SLC26A3: variants seen among roughly 807,000 people sequenced by gnomAD.
SLC26A3 encodes the protein chloride anion exchanger.
Under a neutral mutation model 85.6 loss-of-function variants are expected in SLC26A3, and 64 were observed. The ratio of observed to expected loss-of-function variants is 0.75; its 90% CI spans 0.61 to 0.92. The LOEUF (loss-of-function observed/expected upper bound fraction) is 0.92, where lower values mean the gene tolerates loss of function less well. Among genes scored for constraint, SLC26A3 ranks in the 40% least tolerant of loss-of-function variants. SLC26A3 has a pLI of 0.00. For synonymous variants in SLC26A3, 349 were observed against 336.0 expected, an observed-to-expected ratio of 1.04 and a Z score of -0.42; for missense variants, 922 against 927.3, an observed-to-expected ratio of 0.99 and a Z score of 0.07.
chr7:107,791,560 T>C (rs1047879192), intron 4 of SLC26A3, among the ~76,000 whole-genome samples: 11 of 151,884 alleles, frequency 7.2e-5, no homozygotes, highest in African/African-American at 2.7e-4. Context: ...TGCAGTGAGC[T>C]GAGATCGTGC....
In SLC26A3 at chr7:107,782,815, G is replaced by A. The variant is rs1794233254; in HGVS notation, c.1293C>T (p.Leu431=). 2 of 1,614,006 alleles carry A rather than the reference G, an allele frequency of 1.2e-6. No homozygotes were observed. The highest frequency in any genetic ancestry group is 1.7e-6 in the Non-Finnish European group (2 of 1,179,904). ...GTGTTACCTTTTGTAGAGGCGCCAGGAGAAATCCAATGGCTAGAACGACAA... is the reference window on the plus strand; with the variant it reads ...GTGTTACCTTTTGTAGAGGCGCCAGAAGAAATCCAATGGCTAGAACGACAA... The part of the protein sequence containing the change: ...VLIVVLAIGF[L]LAPLQKSVLA... Residue 431 remains leucine (L), a synonymous_variant, in exon 11 of 21, where the codon CTC becomes CTT. Coordinates refer to ENST00000340010, the MANE Select transcript of SLC26A3 (RefSeq NM_000111.3).
chr7:107,800,135 C>A (rs919425107), intron 1 of SLC26A3, among the ~76,000 whole-genome samples: 3 of 152,194 alleles, frequency 2.0e-5, no homozygotes, highest in African/African-American at 7.2e-5. Context: ...TTCCGTATCT[C>A]TGTACACATG....
At position 107,765,983 on chromosome 7, in the gene SLC26A3, T is replaced by G. The variant is rs973031667; in HGVS notation, c.2272-105A>C. The stretch of plus-strand genomic sequence containing the variant: ...TACCAGAGTTAACAGGTTTTTTTTT[T>G]GTCTTGAATTTTAATGATCAAGTAC... On this transcript the variant is annotated intron_variant, in intron 20 of 20. Coordinates refer to ENST00000340010, the MANE Select transcript of SLC26A3 (RefSeq NM_000111.3). 30 of 925,916 alleles carry G rather than the reference T, an allele frequency of 3.2e-5. No individual in the cohort carries two copies. In the Middle Eastern group the frequency reaches 6.7e-4, roughly 21 times the overall value. 57.4% of individuals were successfully genotyped at this position (925,916 alleles called of 1,614,324 possible). A position where few individuals can be genotyped will look rare whatever the true frequency, so the allele number is the denominator to read the frequency against.
intron 1 of SLC26A3, among the ~76,000 whole-genome samples, chr7:107,802,140 G>A (rs1794611733): frequency 6.7e-6 from 1 of 150,180 alleles, no homozygotes; most frequent in Admixed American, 6.6e-5. Context: ...CAAATTTCAT[G>A]ACACAGTTTT....
intron 17 of SLC26A3, among the ~76,000 whole-genome samples, chr7:107,772,394 T>C (rs1794042673): frequency 6.6e-6 from 1 of 152,198 alleles, no homozygotes; most frequent in African/African-American, 2.4e-5. Context: ...AGAACAACTC[T>C]GATTTAATTT....
chr7:107,783,418 CA>C, intron 8 of SLC26A3, 66 bp from the exon 9 acceptor site: 3 of 1,564,792 alleles, frequency 1.9e-6, no homozygotes, highest in Non-Finnish European at 2.6e-6. Context: ...AACCATTGGG[CA>C]AATCAATGAA....
chr7:107,794,671 G>A (rs1399049883), intron 1 of SLC26A3, 74 bp from the exon 2 acceptor site: 21 of 736,720 alleles, frequency 2.9e-5, no homozygotes, highest in South Asian at 2.0e-4. Context: ...AGTGAGCTCC[G>A]AACTGAATGT....
In SLC26A3 at chr7:107,789,671, C is replaced by T; in HGVS notation, c.588G>A (p.Leu196=). 1 of 1,613,654 alleles carries T rather than the reference C, an allele frequency of 6.2e-7. No individual in the cohort carries two copies. The highest frequency in any genetic ancestry group is 8.5e-7 in the Non-Finnish European group (1 of 1,179,856). The change falls in exon 6 of 21, where the codon CTG becomes CTA. Residue 196 remains leucine, a synonymous_variant. Coordinates refer to ENST00000340010, the MANE Select transcript of SLC26A3 (RefSeq NM_000111.3). ...SGIIQLAFGI[L]RIGFVVIYLS... is the part of the protein sequence containing the mutation. The stretch of plus-strand genomic sequence containing the variant: ...GGTATATCACTACAAATCCAATCCG[C>T]AGAATCCCAAAAGCCAACTGGAAAG...
At chr7:107,778,109 T>C in intron 13 of SLC26A3, 66 bp downstream of exon 13, 1 of 1,087,552 alleles carries the variant, frequency 9.2e-7, no homozygotes, top group Middle Eastern at 2.0e-4. Context: ...CCAGTGACAT[T>C]TTTTTTCCTC....
rs186382735 is a variant in SLC26A3 at position 107,768,893 on chromosome 7, C to T, written c.2063-985G>A. On this transcript the variant is annotated intron_variant, in intron 18 of 20. Transcript: ENST00000340010. ...CTTTCAGTGACAGAGGGAGAGGGAG[C>T]GTGGAGGGCATTGTGGCCACCAGGA... Among the ~76,000 whole-genome samples, 49 of 151,938 alleles carry T rather than the reference C, an allele frequency of 3.2e-4. 1 individual carries two copies. The East Asian group carries it at 9.3e-3, about 29-fold the overall frequency.
chr7:107,776,852 G>C (rs1794124437), intron 13 of SLC26A3, 146 bp from the exon 14 acceptor site: 1 of 735,028 alleles, frequency 1.4e-6, no homozygotes. Flanking sequence ...AGAGACTCTG[G>C]AAGGTGAACA....
intron 4 of SLC26A3, among the ~76,000 whole-genome samples, chr7:107,791,625 A>T (rs1054614261): frequency 9.4e-5 from 14 of 149,344 alleles, no homozygotes; most frequent in Admixed American, 1.3e-4. Context: ...AAAATAAATA[A>T]AAATAAATAA....
intron 6 of SLC26A3, among the ~76,000 whole-genome samples, chr7:107,787,793 T>C (rs1794323822): frequency 6.6e-6 from 1 of 152,218 alleles, no homozygotes; most frequent in Non-Finnish European, 1.5e-5. Context: ...TTTTGTTGGA[T>C]ACTTTTCACA....
chr7:107,769,820 T>G (rs964496605), intron 18 of SLC26A3, among the ~76,000 whole-genome samples: 4 of 152,140 alleles, frequency 2.6e-5, no homozygotes, highest in Admixed American at 1.3e-4. Flanking sequence ...GCCAATTTTA[T>G]ACTTTTCGAA....
chr7:107,795,120 T>C (rs562757048), intron 1 of SLC26A3, among the ~76,000 whole-genome samples: 7 of 152,226 alleles, frequency 4.6e-5, no homozygotes, highest in Non-Finnish European at 1.0e-4. Context: ...TTACAATTTA[T>C]AGTTAAGGAA....
chr7:107,781,807 T>C (rs965548165), intron 11 of SLC26A3, among the ~76,000 whole-genome samples: 1 of 152,156 alleles, frequency 6.6e-6, no homozygotes, highest in African/African-American at 2.4e-5. Flanking sequence ...AAGGCCTAGG[T>C]AACAGCCAAT....
At position 107,791,105 on chromosome 7, in the gene SLC26A3, G is replaced by T. The variant is rs367588993; in HGVS notation, c.513C>A (p.Asp171Glu). The T allele has an allele frequency of 1.2e-6, 2 of 1,614,122 alleles. No individual in the cohort carries two copies. The highest frequency in any genetic ancestry group is 2.7e-5 in the African/African-American group (2 of 75,010). The change falls in exon 5 of 21, where the codon GAC becomes GAA. Residue 171 changes from aspartate (D) to glutamate (E), a missense_variant. Coordinates refer to ENST00000340010, the MANE Select transcript of SLC26A3 (RefSeq NM_000111.3). ...CCGCCGCCGCCACCCTCACCCTCTC[G>T]TCATCCAGTAGTGAAGAATTATTCG... ...NNSNNSSLLD[D>E]ERVRVAAAAS...
At chr7:107,768,833 C>T (rs1793958163) in intron 18 of SLC26A3, among the ~76,000 whole-genome samples, 2 of 152,070 alleles carry the variant, frequency 1.3e-5, no homozygotes, top group Non-Finnish European at 2.9e-5. Context: ...AGAAGGTACA[C>T]AGTTATGAAG....
At chr7:107,779,954 A>C (rs1401444431) in intron 11 of SLC26A3, among the ~76,000 whole-genome samples, 191 bp from the exon 12 acceptor site, 1 of 152,042 alleles carries the variant, frequency 6.6e-6, no homozygotes, top group Non-Finnish European at 1.5e-5. Flanking sequence ...CCTATGAATG[A>C]CTTTGTCCCC....
Sources: allele counts gnomAD v4.1 joint callset (sites outside exome capture counted in the v4.1 genomes callset), GRCh38; gene constraint gnomAD v4.1.1; transcripts MANE v1.5; gene names NCBI Gene and HGNC (gene_info 2026-07-23, HGNC 2026-07-21).